The following BCKDHB variants were observed in gnomAD, a reference collection of about 807,000 sequenced individuals.
The protein encoded by BCKDHB is branched chain keto acid dehydrogenase E1 subunit beta, also known as 2-oxoisovalerate dehydrogenase subunit beta, mitochondrial.
In BCKDHB, 41 loss-of-function variants were observed where a neutral mutation model predicts 48.5. The ratio of observed to expected loss-of-function variants is 0.85; its 90% CI spans 0.66 to 1.10. The LOEUF (loss-of-function observed/expected upper bound fraction) is 1.10. Among genes scored for constraint, BCKDHB ranks in the 50% least tolerant of loss-of-function variants. BCKDHB has a pLI of 0.00. For missense variants in BCKDHB, 496 were observed against 494.2 expected, an observed-to-expected ratio of 1.00 and a Z score of -0.03; for synonymous variants, 201 against 174.8, an observed-to-expected ratio of 1.15 and a Z score of -1.18.
the BCKDHB span, among the ~76,000 whole-genome samples, chr6:80,381,927 C>T: frequency 1.3e-4 from 16 of 125,278 alleles, no homozygotes; most frequent in Admixed American, 6.6e-4. Flanking sequence ...AAACCTAAAA[C>T]GGTAAACTTG....
At chr6:80,440,513 C>T in the BCKDHB span, among the ~76,000 whole-genome samples, 3 of 152,032 alleles carry the variant, frequency 2.0e-5, no homozygotes, top group African/African-American at 7.2e-5. Flanking sequence ...AATCCTGTGC[C>T]GTTCTTAGAT....
At chr6:80,401,018 A>C in the BCKDHB span, among the ~76,000 whole-genome samples, 1 of 147,038 alleles carries the variant, frequency 6.8e-6, no homozygotes, top group Non-Finnish European at 1.5e-5. Flanking sequence ...AATTAGGAGA[A>C]CATATAGACA....
At chr6:80,318,104 TATC>T (rs758911099) in intron 9 of BCKDHB, among the ~76,000 whole-genome samples, 98 of 152,304 alleles carry the variant, frequency 6.4e-4, no homozygotes, top group Admixed American at 1.5e-3. Flanking sequence ...TCCACAACCT[TATC>T]ATTCCCAACA....
rs148049416 is a variant in BCKDHB, at chr6:80,134,994, C to T, written c.343+5765C>T. ...CTCGACCTCCTGACCTCAAGTGATC[C>T]GCCAGCCTTGGCCTCCCAAAGTGCT... On this transcript the variant is annotated intron_variant, in intron 3 of 9. Transcript: ENST00000320393. Among the ~76,000 whole-genome samples the T allele has an allele frequency of 2.1e-4, 32 of 152,164 alleles. No individual in the cohort carries two copies. The East Asian group carries it at 4.6e-3, about 22-fold the overall frequency.
the BCKDHB span, among the ~76,000 whole-genome samples, chr6:80,380,142 A>G: frequency 6.6e-6 from 1 of 152,110 alleles, no homozygotes; most frequent in Non-Finnish European, 1.5e-5. Flanking sequence ...ACTCCTAAGC[A>G]GAAAGAACAA....
At chr6:80,387,938 A>G in the BCKDHB span, among the ~76,000 whole-genome samples, 3 of 152,236 alleles carry the variant, frequency 2.0e-5, no homozygotes, top group Admixed American at 6.5e-5. Flanking sequence ...ATGGGAAATA[A>G]ATCCAACTAA....
the BCKDHB span, among the ~76,000 whole-genome samples, chr6:80,438,133 A>G: frequency 6.6e-6 from 1 of 152,242 alleles, no homozygotes; most frequent in Non-Finnish European, 1.5e-5. Context: ...TTGCACTATT[A>G]TCTCAGCCTC....
At chr6:80,444,411 A>T in the BCKDHB span, among the ~76,000 whole-genome samples, 2 of 152,206 alleles carry the variant, frequency 1.3e-5, no homozygotes, top group Non-Finnish European at 2.9e-5. Flanking sequence ...AATTCTTGAT[A>T]CTTATTAAAA....
chr6:80,412,212 C>A, the BCKDHB span, among the ~76,000 whole-genome samples: 2 of 149,510 alleles, frequency 1.3e-5, no homozygotes, highest in Admixed American at 1.3e-4. Context: ...GGCACAATCT[C>A]AGCTCACTGC....
At chr6:80,364,053 C>G in the BCKDHB span, among the ~76,000 whole-genome samples, 2 of 152,226 alleles carry the variant, frequency 1.3e-5, no homozygotes, top group African/African-American at 4.8e-5. Context: ...AACAAACACA[C>G]AACACTTTCT....
At chr6:80,421,434 T>TA in the BCKDHB span, among the ~76,000 whole-genome samples, 2 of 152,138 alleles carry the variant, frequency 1.3e-5, no homozygotes, top group East Asian at 3.9e-4. Context: ...GCTATAAAGA[T>TA]AACCTGAAAA....
chr6:80,435,982 G>GA, the BCKDHB span, among the ~76,000 whole-genome samples: 8 of 152,022 alleles, frequency 5.3e-5, no homozygotes, highest in South Asian at 1.0e-3. Context: ...GACATTGTGA[G>GA]AAAAAACTAC....
chr6:80,356,366 G>T, the BCKDHB span: 1 of 152,146 alleles, frequency 6.6e-6, no homozygotes, highest in African/African-American at 2.4e-5. Context: ...TAGGAACATT[G>T]CCTAGGATAA....
At chr6:80,197,196 T>C (rs1774170684) in intron 6 of BCKDHB, among the ~76,000 whole-genome samples, 1 of 152,208 alleles carries the variant, frequency 6.6e-6, no homozygotes, top group Non-Finnish European at 1.5e-5. Flanking sequence ...CAAAGCTAAC[T>C]TGGAATAATA....
intron 3 of BCKDHB, among the ~76,000 whole-genome samples, chr6:80,149,024 T>G (rs983557128): frequency 6.6e-6 from 1 of 151,898 alleles, no homozygotes; most frequent in South Asian, 2.1e-4. Context: ...ACCATCAGAG[T>G]GAACAGGCAA....
intron 9 of BCKDHB, among the ~76,000 whole-genome samples, chr6:80,291,250 T>C (rs1055311350): frequency 3.3e-5 from 5 of 152,136 alleles, no homozygotes; most frequent in Non-Finnish European, 5.9e-5. Context: ...GGGATGAAGA[T>C]CAATCTTCTG....
At chr6:80,440,192 A>G in the BCKDHB span, among the ~76,000 whole-genome samples, 1 of 152,168 alleles carries the variant, frequency 6.6e-6, no homozygotes, top group Non-Finnish European at 1.5e-5. Flanking sequence ...TAACTTCAGG[A>G]CTTCAGCCTG....
intron 6 of BCKDHB, among the ~76,000 whole-genome samples, chr6:80,178,975 G>A (rs1322294370): frequency 6.6e-6 from 1 of 152,084 alleles, no homozygotes; most frequent in African/African-American, 2.4e-5. Flanking sequence ...TTTCATGTCA[G>A]GAAATAGCTG....
At chr6:80,394,401 G>A in the BCKDHB span, among the ~76,000 whole-genome samples, 4 of 150,118 alleles carry the variant, frequency 2.7e-5, no homozygotes, top group Non-Finnish European at 4.4e-5. Flanking sequence ...TCTTTTGGAT[G>A]CAATATTTAT....
Sources: allele counts gnomAD v4.1 joint callset (sites outside exome capture counted in the v4.1 genomes callset), GRCh38; gene constraint gnomAD v4.1.1; transcripts MANE v1.5; gene names NCBI Gene and HGNC (gene_info 2026-07-23, HGNC 2026-07-21).